Variants in PCED1B observed in about 807,000 individuals in gnomAD.
PCED1B encodes the protein PC-esterase domain containing 1B.
For missense variants in PCED1B, 573 were observed against 573.9 expected, an observed-to-expected ratio of 1.00 and a Z score of 0.02; for synonymous variants, 251 against 246.1, an observed-to-expected ratio of 1.02 and a Z score of -0.19.
In PCED1B at chr12:47,236,525, G is replaced by A. The variant is rs1943993420; in HGVS notation, c.*163G>A. ...CTGTTACCAAGAAAGCCAAGGAAGA[G>A]CAGCCTGACTCATTCTTCTTGGCTG... On this transcript the variant is annotated 3_prime_UTR_variant, in exon 4 of 4. Transcript: ENST00000546455. 2.8e-6 allele frequency: 2 copies of A among 717,392 alleles called. No homozygotes were observed. The highest frequency in any genetic ancestry group is 2.9e-5 in the East Asian group (1 of 34,018). The allele number at this position is 717,392 out of a possible 1,614,324, so 44.4% of individuals were successfully genotyped here.
At chr12:47,119,731 C>A (rs1440201535) in intron 2 of PCED1B, among the ~76,000 whole-genome samples, 1 of 152,010 alleles carries the variant, frequency 6.6e-6, no homozygotes, top group African/African-American at 2.4e-5. Context: ...ATAATCCCAG[C>A]ACTTTGGGAG....
In PCED1B at chr12:47,227,394, A is replaced by G. The variant is rs554013212; in HGVS notation, c.-57-7613A>G. Among the ~76,000 whole-genome samples, 114 of 151,844 alleles carry G rather than the reference A, an allele frequency of 7.5e-4. 1 individual carries two copies. The highest frequency in any genetic ancestry group is 2.5e-3 in the African/African-American group (102 of 41,478). The stretch of plus-strand genomic sequence containing the variant: ...CAGCATGTTGGCCAGATTGGTCTTG[A>G]ACTCCTGACCCCAGGTGATCCACCC... On this transcript the variant is annotated intron_variant, in intron 3 of 3. Transcript: ENST00000546455.
At position 47,186,474 on chromosome 12, in the gene PCED1B, G is replaced by A. The variant is rs551118410; in HGVS notation, c.-525-29748G>A. ...TTTATGTTATCCCTTTACTGGTAGG[G>A]GGGTAGAGGGGGGCACTTTCACAAG... On this transcript the variant is annotated intron_variant, in intron 2 of 3. Transcript: ENST00000546455. Among the ~76,000 whole-genome samples the A allele has an allele frequency of 8.9e-4, 135 of 152,164 alleles. 6 individuals are homozygous for A. In the South Asian group the frequency reaches 0.027, roughly 30 times the overall value.
chr12:47,204,693 C>A, intron 2 of PCED1B, among the ~76,000 whole-genome samples: 1 of 152,148 alleles, frequency 6.6e-6, no homozygotes, highest in Admixed American at 6.5e-5. Flanking sequence ...CCACTGCCTA[C>A]AGACCAGGGG....
At chr12:47,171,882 TTCTTCTTCTTCTTCCTCTTCTTCC>T (rs561242848) in intron 2 of PCED1B, among the ~76,000 whole-genome samples, 1,515 of 129,768 alleles carry the variant, frequency 0.012, 20 homozygotes, top group African/African-American at 0.039. Context: ...TCTTCTTTTC[TTCTTCTTCTTCTTCCTCTTCTTCC>T]TCTTCTTCTT....
At chr12:47,089,379 G>A (rs1414615885) in intron 1 of PCED1B, among the ~76,000 whole-genome samples, 13 of 148,276 alleles carry the variant, frequency 8.8e-5, no homozygotes, top group African/African-American at 3.0e-4. Flanking sequence ...CCCGGGTGGC[G>A]GGGCTTGCAG....
chr12:47,085,416 G>T (rs1937932401), intron 1 of PCED1B, among the ~76,000 whole-genome samples: 1 of 152,146 alleles, frequency 6.6e-6, no homozygotes, highest in Non-Finnish European at 1.5e-5. Flanking sequence ...GTAACTTAAG[G>T]CAAGTTCTTT....
chr12:47,130,597 G>C (rs910204161), intron 2 of PCED1B, among the ~76,000 whole-genome samples: 1 of 152,192 alleles, frequency 6.6e-6, no homozygotes, highest in Non-Finnish European at 1.5e-5. Flanking sequence ...GCTAAGGCAG[G>C]AGGATTGCTT....
chr12:47,139,978 T>C (rs1482840323), intron 2 of PCED1B, among the ~76,000 whole-genome samples: 2 of 152,104 alleles, frequency 1.3e-5, no homozygotes. Flanking sequence ...GTGTGGTATA[T>C]ATTGAAGTTA....
rs527605139 is a variant in PCED1B at position 47,139,888 on chromosome 12, T to C, written c.-526+35693T>C. 2.0e-5 allele frequency among the ~76,000 whole-genome samples: 3 copies of C among 152,154 alleles called. No individual in the cohort carries two copies. In the South Asian group the frequency reaches 6.2e-4, roughly 32 times the overall value. On this transcript the variant is annotated intron_variant, in intron 2 of 3. Coordinates refer to ENST00000546455, the MANE Select transcript of PCED1B (RefSeq NM_138371.3). ...TATGGTATGTGTGTATGTATCTGTG[T>C]GGTGTGGTAGGTGTATAGTATATAG... is the stretch of plus-strand genomic sequence containing the variant.
chr12:47,166,142 T>C (rs926604568), intron 2 of PCED1B, among the ~76,000 whole-genome samples: 6 of 152,210 alleles, frequency 3.9e-5, no homozygotes, highest in Non-Finnish European at 8.8e-5. Context: ...CTAGCCAACA[T>C]CTGAAGACTT....
intron 2 of PCED1B, among the ~76,000 whole-genome samples, chr12:47,124,577 G>A (rs939078525): frequency 1.3e-5 from 2 of 151,448 alleles, no homozygotes; most frequent in Non-Finnish European, 3.0e-5. Flanking sequence ...TTTCTCTGGG[G>A]AAGATAAGTA....
intron 2 of PCED1B, among the ~76,000 whole-genome samples, chr12:47,161,196 C>T (rs1941366114): frequency 6.6e-6 from 1 of 152,180 alleles, no homozygotes. Flanking sequence ...ACAAAGCAGT[C>T]AAAGACAATC....
chr12:47,107,834 T>C (rs1362857269), intron 2 of PCED1B, among the ~76,000 whole-genome samples: 1 of 152,152 alleles, frequency 6.6e-6, no homozygotes, highest in Non-Finnish European at 1.5e-5. Context: ...ATGTCTTAAT[T>C]CCCAAAACTT....
chr12:47,154,134 G>A (rs972217863), intron 2 of PCED1B, among the ~76,000 whole-genome samples: 3 of 152,170 alleles, frequency 2.0e-5, no homozygotes, highest in East Asian at 1.9e-4. Context: ...CCCAGGAAAC[G>A]CGTATCTTCT....
chr12:47,095,072 T>G (rs61927668), intron 1 of PCED1B, among the ~76,000 whole-genome samples: 92 of 26,126 alleles, frequency 3.5e-3, no homozygotes, highest in African/African-American at 0.02. Context: ...GTGCCCACAA[T>G]TTTTTTTTTT....
At chr12:47,187,295 T>TA (rs1410491429) in intron 2 of PCED1B, among the ~76,000 whole-genome samples, 1 of 152,106 alleles carries the variant, frequency 6.6e-6, no homozygotes, top group Non-Finnish European at 1.5e-5. Context: ...GGATCTTACC[T>TA]AAAACCAAGA....
chr12:47,169,872 C>A (rs1275919870), intron 2 of PCED1B, among the ~76,000 whole-genome samples: 1 of 130,580 alleles, frequency 7.7e-6, no homozygotes, highest in East Asian at 2.3e-4. Context: ...AAAAAAAGTT[C>A]TTTTTATCAT....
chr12:47,217,401 CAGAGAGAG>C (rs781406311), intron 3 of PCED1B, among the ~76,000 whole-genome samples: 1 of 115,002 alleles, frequency 8.7e-6, no homozygotes. Flanking sequence ...AAGAAAGAAA[CAGAGAGAG>C]AGAGAGAGAC....
Sources: gnomAD v4.1 joint callset for allele counts (sites outside exome capture counted in the v4.1 genomes callset) on GRCh38, gnomAD v4.1.1 for gene constraint, MANE v1.5 for transcripts, NCBI Gene and HGNC (gene_info 2026-07-23, HGNC 2026-07-21) for gene names.